Variants in TF observed in about 807,000 individuals in gnomAD.
The protein encoded by TF is transferrin, also known as serotransferrin.
A neutral mutation model predicts 82.4 loss-of-function variants in TF; 55 were observed. That is an observed-to-expected ratio of 0.67 (90% CI 0.54 to 0.84). The LOEUF is 0.84. TF is among the 40% of genes least tolerant of loss of function. The pLI is 0.00. For synonymous variants in TF, 332 were observed against 332.6 expected (o/e 1.00, Z 0.02); for missense variants, 737 against 868.4 (o/e 0.85, Z 1.90).
At chr3:133,675,017 G>A in the TF span, among the ~76,000 whole-genome samples, 2 of 151,954 alleles carry the variant, frequency 1.3e-5, no homozygotes, top group African/African-American at 4.8e-5. Flanking sequence ...AGGCCGAGGC[G>A]GTGTATCACC....
At chr3:133,748,924 C>T (rs1215050536) in intron 2 of TF, among the ~76,000 whole-genome samples, 2 of 152,088 alleles carry the variant, frequency 1.3e-5, no homozygotes, top group Non-Finnish European at 2.9e-5. Flanking sequence ...CTTTGGGAGG[C>T]TGAGGCAGGT....
At chr3:133,758,966 G>C (rs767208355) in intron 8 of TF, among the ~76,000 whole-genome samples, 1 of 152,128 alleles carries the variant, frequency 6.6e-6, no homozygotes, top group Non-Finnish European at 1.5e-5. Context: ...TTGGCTTCTC[G>C]GAAGACATAA....
chr3:133,673,195 A>G, the TF span, among the ~76,000 whole-genome samples: 1 of 152,236 alleles, frequency 6.6e-6, no homozygotes, highest in African/African-American at 2.4e-5. Context: ...AGTAGAATGT[A>G]ATGTGAGTTC....
chr3:133,678,882 T>TTTTGC, the TF span, among the ~76,000 whole-genome samples: 1 of 150,392 alleles, frequency 6.6e-6, no homozygotes, highest in South Asian at 2.1e-4. Flanking sequence ...TTTTGTTTTG[T>TTTTGC]TTTGTTTTGA....
intron 10 of TF, 97 bp from the exon 11 acceptor site, chr3:133,764,778 A>C: frequency 1.6e-6 from 2 of 1,238,356 alleles, no homozygotes; most frequent in Non-Finnish European, 2.3e-6. Context: ...ATTTTCTCTG[A>C]CTTTCTTTAT....
At chr3:133,677,569 G>A in the TF span, among the ~76,000 whole-genome samples, 3 of 152,162 alleles carry the variant, frequency 2.0e-5, no homozygotes, top group Non-Finnish European at 2.9e-5. Context: ...CCCGGGAGGC[G>A]GAGGTTTCAG....
At chr3:133,711,573 TCTC>T in the TF span, among the ~76,000 whole-genome samples, 2 of 151,990 alleles carry the variant, frequency 1.3e-5, no homozygotes, top group Non-Finnish European at 2.9e-5. Context: ...GGTGCCAATT[TCTC>T]CTCCTTCCAC....
At chr3:133,748,643 C>A in intron 2 of TF, 59 bp downstream of exon 2, 2 of 1,589,078 alleles carry the variant, frequency 1.3e-6, no homozygotes, top group South Asian at 2.3e-5. Flanking sequence ...TGTTTCCAGT[C>A]ACTTTGGAAC....
rs1934796240 is a variant in TF, at chr3:133,790,115, A to G, written c.*11495A>G. On this transcript the variant is annotated 3_prime_UTR_variant, in exon 17 of 17. Coordinates refer to ENST00000402696, the MANE Select transcript of TF (RefSeq NM_001063.4). ...TAGATAAACTGTTAAAAGTGAAACA[A>G]TTGAGTACAGTGAATGGGACAAATG... 1 of 152,204 alleles carries G rather than the reference A, an allele frequency of 6.6e-6. No homozygotes were observed. Among genetic ancestry groups the G allele is most frequent in the African/African-American group, 2.4e-5 (1 of 41,470 alleles). 9.4% of individuals were successfully genotyped at this position (152,204 alleles called of 1,614,324 possible).
intron 11 of TF, 66 bp from the exon 12 acceptor site, chr3:133,766,212 T>C (rs1351053162): frequency 9.4e-6 from 14 of 1,496,282 alleles, no homozygotes; most frequent in East Asian, 2.3e-5. Flanking sequence ...GGGAAATTGA[T>C]TGGAAGCAGA....
In TF at chr3:133,781,313, T is replaced by C. The variant is rs1485201083; in HGVS notation, c.*2693T>C. ...TCTAGACAACAAGAGCAAAACTCTG[T>C]CTCAAAATAATAAAAATAATAATAA... On this transcript the variant is annotated 3_prime_UTR_variant, in exon 17 of 17. Transcript: ENST00000402696. The C allele has an allele frequency of 2.6e-5, 4 of 151,706 alleles. No individual in the cohort carries two copies. The highest frequency in any genetic ancestry group is 4.4e-5 in the Non-Finnish European group (3 of 67,918). 9.4% of individuals were successfully genotyped at this position (151,706 alleles called of 1,614,324 possible).
the TF span, among the ~76,000 whole-genome samples, chr3:133,696,168 T>C: frequency 6.6e-6 from 1 of 152,144 alleles, no homozygotes; most frequent in Admixed American, 6.5e-5. Flanking sequence ...CTCATGCCTG[T>C]AATCTCAGCA....
chr3:133,754,744 C>T lies in TF; in HGVS notation c.502+73C>T. 3.4e-6 allele frequency: 5 copies of T among 1,490,292 alleles called. No homozygotes were observed. In the Admixed American group the frequency reaches 8.4e-5, roughly 25 times the overall value. 92.3% of individuals were successfully genotyped at this position (1,490,292 alleles called of 1,614,324 possible). On this transcript the variant is annotated intron_variant, in intron 4 of 16. Coordinates refer to ENST00000402696, the MANE Select transcript of TF (RefSeq NM_001063.4). ...AGATGCCCACACAGGCTGCACTAGACAGTCACCATCAGCAGACATGTGGGA... is the reference window on the plus strand; with the variant it reads ...AGATGCCCACACAGGCTGCACTAGATAGTCACCATCAGCAGACATGTGGGA...
chr3:133,717,580 T>G, the TF span, among the ~76,000 whole-genome samples: 289 of 152,262 alleles, frequency 1.9e-3, 1 homozygote, highest in African/African-American at 6.6e-3. Context: ...AAGACCATAG[T>G]GTATTCGTCC....
In TF at chr3:133,756,967, C is replaced by G; in HGVS notation, c.828C>G (p.Gly276=). 1.9e-6 allele frequency: 3 copies of G among 1,614,100 alleles called. No individual in the cohort carries two copies. The highest frequency in any genetic ancestry group is 2.5e-6 in the Non-Finnish European group (3 of 1,179,992). ...PSHTVVARSM[G]GKEDLIWELL... ...ATACCGTCGTGGCCCGAAGTATGGG[C>G]GGCAAGGAGGACTTGATCTGGGAGC... Residue 276 remains glycine (G), a synonymous_variant, in exon 7 of 17, where the codon GGC becomes GGG. Transcript: ENST00000402696.
At chr3:133,732,105 A>T in the TF span, among the ~76,000 whole-genome samples, 7 of 152,196 alleles carry the variant, frequency 4.6e-5, no homozygotes, top group African/African-American at 1.7e-4. Flanking sequence ...GAAGGGGAAG[A>T]TATTGGTCAG....
At chr3:133,679,808 C>T in the TF span, among the ~76,000 whole-genome samples, 11 of 152,042 alleles carry the variant, frequency 7.2e-5, no homozygotes, top group African/African-American at 2.7e-4. Flanking sequence ...CATGTATTTT[C>T]ATTTCTTTTG....
the TF span, among the ~76,000 whole-genome samples, chr3:133,681,549 T>C: frequency 6.6e-6 from 1 of 152,250 alleles, no homozygotes; most frequent in Middle Eastern, 3.4e-3. Context: ...CACCAGGAGA[T>C]TATATCCCAC....
chr3:133,770,583 C>T lies in TF; in HGVS notation c.1687+11C>T. Reference sequence around the variant, plus strand: ...CACAGAACACTGGGGGTAAGTGCACCTGCTCCTCTGTCCCCCTAGATCACT... The same window carrying T: ...CACAGAACACTGGGGGTAAGTGCACTTGCTCCTCTGTCCCCCTAGATCACT... On this transcript the variant is annotated intron_variant, in intron 14 of 16. Transcript: ENST00000402696. 1 of 1,613,970 alleles carries T rather than the reference C, an allele frequency of 6.2e-7. No individual in the cohort carries two copies. Among genetic ancestry groups the T allele is most frequent in the Non-Finnish European group, 8.5e-7 (1 of 1,179,846 alleles).
Sources: gnomAD v4.1 joint callset for allele counts (sites outside exome capture counted in the v4.1 genomes callset) on GRCh38, gnomAD v4.1.1 for gene constraint, MANE v1.5 for transcripts, NCBI Gene and HGNC (gene_info 2026-07-23, HGNC 2026-07-21) for gene names.